The following ERC2 variants were observed in gnomAD, a reference collection of about 807,000 sequenced individuals.
ERC2 encodes the protein ELKS/RAB6-interacting/CAST family member 2.
ERC2 carries 42 observed loss-of-function variants against 114.8 expected under a neutral mutation model. The observed-to-expected ratio is 0.37, with a 90% CI of 0.29 to 0.47. The LOEUF is 0.47. Ranked by LOEUF, ERC2 falls within the 20% of genes least tolerant of loss-of-function variation. The pLI is 0.99. For missense variants in ERC2, 939 were observed against 1,150.7 expected, an observed-to-expected ratio of 0.82 and a Z score of 2.66; for synonymous variants, 454 against 425.5, an observed-to-expected ratio of 1.07 and a Z score of -0.82.
chr3:55,824,288 G>T (rs2060242943), intron 14 of ERC2, among the ~76,000 whole-genome samples: 1 of 152,104 alleles, frequency 6.6e-6, no homozygotes, highest in Admixed American at 6.5e-5. Context: ...CTACCATCTG[G>T]ATATCAACAC....
chr3:55,633,144 C>T (rs1209516645), intron 17 of ERC2, among the ~76,000 whole-genome samples: 8 of 152,196 alleles, frequency 5.3e-5, no homozygotes, highest in Non-Finnish European at 2.9e-5. Context: ...TGTGCCTGAC[C>T]GATATCAGCA....
chr3:56,088,858 CAA>C (rs1204345628), intron 6 of ERC2, among the ~76,000 whole-genome samples: 1 of 152,060 alleles, frequency 6.6e-6, no homozygotes, highest in African/African-American at 2.4e-5. Flanking sequence ...TAGAAACCCT[CAA>C]TAAATTTTTG....
At chr3:56,386,690 T>G (rs958026395) in intron 2 of ERC2, among the ~76,000 whole-genome samples, 2 of 152,186 alleles carry the variant, frequency 1.3e-5, no homozygotes, top group African/African-American at 2.4e-5. Context: ...TGGAAAGACC[T>G]TAGTAATTGG....
At chr3:55,893,677 C>A (rs2063716098) in intron 13 of ERC2, among the ~76,000 whole-genome samples, 2 of 152,116 alleles carry the variant, frequency 1.3e-5, no homozygotes, top group South Asian at 4.1e-4. Context: ...CCACATTGAT[C>A]TTCTCTTTCC....
chr3:55,643,321 T>C (rs2060263869), intron 17 of ERC2, among the ~76,000 whole-genome samples: 1 of 152,228 alleles, frequency 6.6e-6, no homozygotes, highest in South Asian at 2.1e-4. Flanking sequence ...CAAAATCTTA[T>C]TCTGCCTTGA....
intron 14 of ERC2, among the ~76,000 whole-genome samples, chr3:55,872,531 T>C (rs1430799800): frequency 2.0e-5 from 3 of 152,212 alleles, no homozygotes; most frequent in Admixed American, 1.3e-4. Context: ...GAAAGCTTCG[T>C]AGCTATTTAG....
intron 12 of ERC2, among the ~76,000 whole-genome samples, chr3:55,969,094 T>C (rs923230302): frequency 6.6e-6 from 1 of 152,162 alleles, no homozygotes; most frequent in African/African-American, 2.4e-5. Flanking sequence ...CTTAGCAGGT[T>C]AACTCATTAC....
intron 6 of ERC2, among the ~76,000 whole-genome samples, chr3:56,096,644 T>C (rs1226648914): frequency 2.0e-5 from 3 of 152,230 alleles, no homozygotes; most frequent in African/African-American, 2.4e-5. Context: ...CTCCTAGTTA[T>C]AATGATAGAA....
chr3:55,792,350 G>A (rs777481530), intron 14 of ERC2, among the ~76,000 whole-genome samples: 35 of 152,182 alleles, frequency 2.3e-4, no homozygotes, highest in Admixed American at 3.9e-4. Context: ...TTTAGCTCTC[G>A]AAGCTAGGCA....
chr3:55,634,951 G>A (rs1030334460), intron 17 of ERC2, among the ~76,000 whole-genome samples: 1 of 150,950 alleles, frequency 6.6e-6, no homozygotes, highest in Non-Finnish European at 1.5e-5. Flanking sequence ...GCACGATCTC[G>A]GCTTACTGCA....
intron 6 of ERC2, among the ~76,000 whole-genome samples, chr3:56,127,428 G>A (rs1219432445): frequency 2.0e-5 from 3 of 152,140 alleles, no homozygotes; most frequent in African/African-American, 7.2e-5. Flanking sequence ...ATACTATAAA[G>A]CTATAGTAAA....
At chr3:55,615,869 G>A (rs760172385) in intron 17 of ERC2, among the ~76,000 whole-genome samples, 15 of 152,290 alleles carry the variant, frequency 9.8e-5, no homozygotes, top group Non-Finnish European at 2.1e-4. Context: ...TGGCCGGAGG[G>A]CTCTGCATAT....
intron 13 of ERC2, among the ~76,000 whole-genome samples, chr3:55,892,320 C>A (rs552201012): frequency 3.9e-4 from 59 of 152,148 alleles, no homozygotes; most frequent in Non-Finnish European, 7.3e-4. Flanking sequence ...GAGTTTGAGA[C>A]CAGGCTGGGC....
intron 17 of ERC2, among the ~76,000 whole-genome samples, chr3:55,580,916 G>A (rs1345212054): frequency 6.6e-6 from 1 of 152,166 alleles, no homozygotes; most frequent in Admixed American, 6.5e-5. Context: ...TTTTAAATAG[G>A]GTGGTTAGAT....
chr3:55,970,206 C>T (rs1407632797), intron 12 of ERC2, among the ~76,000 whole-genome samples: 1 of 152,134 alleles, frequency 6.6e-6, no homozygotes, highest in Non-Finnish European at 1.5e-5. Flanking sequence ...TTGTAAACAA[C>T]ATGTTTAATT....
intron 17 of ERC2, among the ~76,000 whole-genome samples, chr3:55,601,635 T>C (rs2058410098): frequency 6.6e-6 from 1 of 152,152 alleles, no homozygotes; most frequent in African/African-American, 2.4e-5. Flanking sequence ...CATTCAGAGC[T>C]GGTAGCCTGG....
chr3:55,793,126 G>A (rs563601020), intron 14 of ERC2, among the ~76,000 whole-genome samples: 40 of 152,250 alleles, frequency 2.6e-4, no homozygotes, highest in African/African-American at 7.2e-4. Flanking sequence ...GGAGTGCAGC[G>A]CAATCTCTGC....
intron 14 of ERC2, among the ~76,000 whole-genome samples, chr3:55,842,598 G>A (rs908756643): frequency 1.3e-5 from 2 of 151,966 alleles, no homozygotes; most frequent in Admixed American, 6.5e-5. Flanking sequence ...AATATAGGTT[G>A]CTAGGAATTG....
chr3:56,196,501 T>G (rs2048114716), intron 3 of ERC2, among the ~76,000 whole-genome samples: 1 of 151,190 alleles, frequency 6.6e-6, no homozygotes, highest in African/African-American at 2.4e-5. Context: ...TTCTTTTTTT[T>G]TTTTTTTTTT....
Sources: gnomAD v4.1 joint callset for allele counts (sites outside exome capture counted in the v4.1 genomes callset) on GRCh38, gnomAD v4.1.1 for gene constraint, MANE v1.5 for transcripts, NCBI Gene and HGNC (gene_info 2026-07-23, HGNC 2026-07-21) for gene names.